The following BAZ2B variants were observed in gnomAD, a reference collection of about 807,000 sequenced individuals.
The protein encoded by BAZ2B is bromodomain adjacent to zinc finger domain 2B, also known as bromodomain adjacent to zinc finger domain protein 2B.
Under a neutral mutation model 246.0 loss-of-function variants are expected in BAZ2B, and 91 were observed. The observed-to-expected ratio is 0.37, with a 90% confidence interval of 0.31 to 0.44. The LOEUF is 0.44. Among genes scored for constraint, BAZ2B ranks in the 20% least tolerant of loss-of-function variants. BAZ2B has a pLI of 1.00. For missense variants in BAZ2B, 2,332 were observed against 2,533.7 expected, an observed-to-expected ratio of 0.92 and a Z score of 1.71; for synonymous variants, 855 against 860.0, an observed-to-expected ratio of 0.99 and a Z score of 0.10.
chr2:159,659,205 C>T, the BAZ2B span, among the ~76,000 whole-genome samples: 1 of 152,146 alleles, frequency 6.6e-6, no homozygotes, highest in African/African-American at 2.4e-5. Flanking sequence ...CTAGAAGTTG[C>T]CTGTTTCAAC....
chr2:159,658,031 A>G, the BAZ2B span, among the ~76,000 whole-genome samples: 1 of 152,142 alleles, frequency 6.6e-6, no homozygotes, highest in South Asian at 2.1e-4. Context: ...GAAAGCATCT[A>G]TTCTCTCACT....
chr2:159,438,953 C>T, intron 7 of BAZ2B, 56 bp downstream of exon 7: 3 of 1,529,894 alleles, frequency 2.0e-6, no homozygotes, highest in Admixed American at 3.5e-5. Context: ...CAAGATAAAC[C>T]AGTTAATTCC....
At chr2:159,413,524 A>G (rs2067153299) in intron 13 of BAZ2B, among the ~76,000 whole-genome samples, 1 of 152,104 alleles carries the variant, frequency 6.6e-6, no homozygotes, top group African/African-American at 2.4e-5. Context: ...CCTGGCCAAC[A>G]TGGTGAAACC....
intron 2 of BAZ2B, among the ~76,000 whole-genome samples, chr2:159,495,044 G>C (rs539472825): frequency 6.6e-6 from 1 of 152,004 alleles, no homozygotes; most frequent in South Asian, 2.1e-4. Flanking sequence ...CCTTTTCAGG[G>C]GCCATATGTG....
chr2:159,333,310 T>A (rs547746720), intron 33 of BAZ2B, among the ~76,000 whole-genome samples: 15 of 152,218 alleles, frequency 9.9e-5, no homozygotes, highest in Non-Finnish European at 1.9e-4. Flanking sequence ...AAATGGTTTC[T>A]AAGGAAAAAA....
intron 31 of BAZ2B, among the ~76,000 whole-genome samples, chr2:159,340,215 G>A (rs75402841): frequency 0.028 from 4,258 of 151,996 alleles, 201 homozygotes; most frequent in African/African-American, 0.098. Flanking sequence ...GGCAGACCAA[G>A]GGGTGGGGGG....
intron 6 of BAZ2B, among the ~76,000 whole-genome samples, chr2:159,441,213 A>C (rs537368596): frequency 6.6e-6 from 1 of 152,346 alleles, no homozygotes; most frequent in East Asian, 1.9e-4. Flanking sequence ...GTGATTTAGC[A>C]GAGAAAAATT....
the BAZ2B span, among the ~76,000 whole-genome samples, chr2:159,653,617 C>T: frequency 6.6e-6 from 1 of 152,070 alleles, no homozygotes; most frequent in East Asian, 1.9e-4. Flanking sequence ...TAAAGAAAAC[C>T]TGGATCTTCT....
In BAZ2B at chr2:159,439,155, A is replaced by T; in HGVS notation, c.754T>A (p.Ser252Thr). 1 of 1,614,010 alleles carries T rather than the reference A, an allele frequency of 6.2e-7. No homozygotes were observed. ...ATGCCTTCACTTGAGGTGTCTGATG[A>T]TGTGCCTGAATCACTATCACTGTTG... ...SSNSDSDSGT[S>T]SDTSSEGISS... is the part of the protein sequence containing the mutation. The change falls in exon 7 of 37, where the codon TCA becomes ACA. Residue 252 changes from serine to threonine, a missense_variant. Physicochemically the swap from Ser to Thr is moderately conservative, Grantham distance 58 (BLOSUM62 1). Around this residue, in one of 9 missense-constraint regions of BAZ2B, gnomAD observed 161 missense variants for 225.8 expected, o/e 0.71. Coordinates refer to ENST00000392783, the MANE Select transcript of BAZ2B (RefSeq NM_013450.4).
At chr2:159,422,545 A>G (rs2068954383) in intron 13 of BAZ2B, among the ~76,000 whole-genome samples, 1 of 152,222 alleles carries the variant, frequency 6.6e-6, no homozygotes, top group African/African-American at 2.4e-5. Context: ...AGACATATGC[A>G]GAATATTGAA....
In BAZ2B at chr2:159,595,616, C is replaced by T. The variant is rs150678019; in HGVS notation, c.-46+20626G>A. Among the ~76,000 whole-genome samples the T allele has an allele frequency of 1.5e-4, 23 of 152,256 alleles. No homozygotes were observed. In the East Asian group the frequency reaches 2.7e-3, roughly 18 times the overall value. On this transcript the variant is annotated intron_variant, in intron 1 of 36. Coordinates refer to ENST00000392783, the MANE Select transcript of BAZ2B (RefSeq NM_013450.4). ...TCTGTAAAACAGAAATTAGTCACTT[C>T]GACTAAAAGTTACAATTAATATGAT...
chr2:159,495,043 G>T (rs568880765), intron 2 of BAZ2B, among the ~76,000 whole-genome samples: 3 of 152,016 alleles, frequency 2.0e-5, no homozygotes, highest in Non-Finnish European at 4.4e-5. Flanking sequence ...GCCTTTTCAG[G>T]GGCCATATGT....
At chr2:159,429,067 C>T (rs889276507) in intron 11 of BAZ2B, 133 bp downstream of exon 11, 12 of 544,376 alleles carry the variant, frequency 2.2e-5, no homozygotes, top group Non-Finnish European at 8.9e-6. Flanking sequence ...TTTGCTCCGG[C>T]TCTTCTGCTC....
chr2:159,586,973 C>T (rs1256535860), intron 1 of BAZ2B, among the ~76,000 whole-genome samples: 1 of 152,160 alleles, frequency 6.6e-6, no homozygotes, highest in East Asian at 1.9e-4. Flanking sequence ...ATAGACATAC[C>T]TTCCTAAAAC....
chr2:159,391,036 G>A (rs1012391834), intron 20 of BAZ2B, among the ~76,000 whole-genome samples: 4 of 152,068 alleles, frequency 2.6e-5, no homozygotes, highest in South Asian at 2.1e-4. Context: ...CAGAGTCACC[G>A]GTAGAATAAC....
At chr2:159,567,880 G>A (rs535107076) in intron 1 of BAZ2B, among the ~76,000 whole-genome samples, 1 of 152,290 alleles carries the variant, frequency 6.6e-6, no homozygotes, top group South Asian at 2.1e-4. Context: ...GCTGAGGCAG[G>A]AGAATCGCTT....
At chr2:159,703,883 G>T in the BAZ2B span, among the ~76,000 whole-genome samples, 16 of 151,876 alleles carry the variant, frequency 1.1e-4, no homozygotes, top group Admixed American at 9.8e-4. Context: ...ATTTTTTTTT[G>T]AAAAGTACAG....
At chr2:159,546,248 T>A (rs2087327831) in intron 2 of BAZ2B, among the ~76,000 whole-genome samples, 1 of 151,804 alleles carries the variant, frequency 6.6e-6, no homozygotes. Context: ...CGGGGGCGGG[T>A]CCTTCGTGCG....
chr2:159,581,467 G>C (rs1686762362), intron 1 of BAZ2B, among the ~76,000 whole-genome samples: 1 of 152,318 alleles, frequency 6.6e-6, no homozygotes, highest in South Asian at 2.1e-4. Flanking sequence ...CTTTTACACT[G>C]TTGGTGGGAC....
Sources: allele counts gnomAD v4.1 joint callset (sites outside exome capture counted in the v4.1 genomes callset), GRCh38; gene constraint gnomAD v4.1.1; regional missense constraint gnomAD v4.1.1; transcripts MANE v1.5; gene names NCBI Gene and HGNC (gene_info 2026-07-23, HGNC 2026-07-21).